Variants in SCML4 observed in about 807,000 individuals in gnomAD.
SCML4 encodes the protein sex comb on midleg-like protein 4.
Under a neutral mutation model 41.1 loss-of-function variants are expected in SCML4, and 34 were observed. The ratio of observed to expected loss-of-function variants is 0.83; its 90% CI spans 0.63 to 1.10. The LOEUF (loss-of-function observed/expected upper bound fraction) is 1.10, where lower values mean the gene tolerates loss of function less well. SCML4 is among the 50% of genes least tolerant of loss of function. The pLI is 0.00. For synonymous variants in SCML4, 214 were observed against 220.9 expected (o/e 0.97, Z 0.28); for missense variants, 522 against 534.1 (o/e 0.98, Z 0.22).
the SCML4 span, among the ~76,000 whole-genome samples, chr6:107,831,470 C>CAGTT: frequency 1.4e-5 from 2 of 145,166 alleles, no homozygotes; most frequent in African/African-American, 5.1e-5. Flanking sequence ...ACTGATTGAT[C>CAGTT]AGTTCATCTT....
intron 1 of SCML4, among the ~76,000 whole-genome samples, chr6:107,823,017 A>AC (rs1465554928): frequency 6.6e-6 from 1 of 151,694 alleles, no homozygotes; most frequent in Non-Finnish European, 1.5e-5. Context: ...TTTGCTTTAA[A>AC]AAAAAAAAAG....
intron 1 of SCML4, among the ~76,000 whole-genome samples, chr6:107,823,357 C>G (rs1163386223): frequency 6.6e-6 from 1 of 152,202 alleles, no homozygotes; most frequent in East Asian, 1.9e-4. Flanking sequence ...CCGCTCCTGT[C>G]CAGCCAGCAA....
rs1351246333 is a variant in SCML4 at position 107,813,419 on chromosome 6, TATATAAAA to T, written c.-60+10699_-60+10706del. On this transcript the variant is annotated intron_variant, in intron 1 of 7. Transcript: ENST00000369020. ...ATATATATATATATATATATATATATATATAAAACTGTAAAATTAAATACATATTAAAA... is the reference window on the plus strand; with the variant it reads ...ATATATATATATATATATATATATATCTGTAAAATTAAATACATATTAAAA... 8.6e-3 allele frequency among the ~76,000 whole-genome samples: 131 copies of T among 15,288 alleles called. 2 individuals are homozygous for T. The highest frequency in any genetic ancestry group is 0.11 in the Middle Eastern group (2 of 18). The allele number at this position is 15,288 out of a possible 152,430, so 10.0% of individuals were successfully genotyped here.
At chr6:107,827,925 G>A (rs1192331119), upstream of SCML4, among the ~76,000 whole-genome samples, 4 of 152,210 alleles carry the variant, frequency 2.6e-5, no homozygotes, top group Admixed American at 2.6e-4. Flanking sequence ...TCCAACACAA[G>A]CATCCGATCG....
intron 6 of SCML4, among the ~76,000 whole-genome samples, chr6:107,713,437 A>G (rs1774424797): frequency 6.6e-6 from 1 of 152,152 alleles, no homozygotes; most frequent in South Asian, 2.1e-4. Flanking sequence ...CCACTAAGGG[A>G]GTCACTTCCT....
the SCML4 span, among the ~76,000 whole-genome samples, chr6:107,838,917 C>T: frequency 6.6e-6 from 1 of 151,708 alleles, no homozygotes. Flanking sequence ...AGAGTTAAGC[C>T]CTCTTAACTC....
At chr6:107,793,995 C>A (rs953332568) in intron 1 of SCML4, among the ~76,000 whole-genome samples, 1 of 152,096 alleles carries the variant, frequency 6.6e-6, no homozygotes, top group Non-Finnish European at 1.5e-5. Context: ...AGAAGAAGGC[C>A]AGTATAGAAA....
At chr6:107,778,207 A>G (rs1781122737) in intron 1 of SCML4, among the ~76,000 whole-genome samples, 1 of 11,134 alleles carries the variant, frequency 9.0e-5, no homozygotes, top group South Asian at 6.3e-3. Flanking sequence ...AAAAAAAAAA[A>G]AAAAAAAAAA....
At chr6:107,778,068 T>C (rs563215757) in intron 1 of SCML4, among the ~76,000 whole-genome samples, 1 of 150,246 alleles carries the variant, frequency 6.7e-6, no homozygotes, top group South Asian at 2.1e-4. Flanking sequence ...ATACAAAAAT[T>C]AGCCAGGCAT....
rs116532117 is a variant in SCML4 at position 107,702,949 on chromosome 6, G to T, written c.*2251C>A. Among the ~76,000 whole-genome samples, 2 of 152,166 alleles carry T rather than the reference G, an allele frequency of 1.3e-5. No individual in the cohort carries two copies. Among genetic ancestry groups the T allele is most frequent in the African/African-American group, 2.4e-5 (1 of 41,426 alleles). On this transcript the variant is annotated 3_prime_UTR_variant, in exon 8 of 8. Transcript: ENST00000369020. ...TCATAAAGACCTTCTGATAAAACAG[G>T]TTGCAGTAAAGAAGTTGGCTAAAAC...
At chr6:107,843,572 C>T in the SCML4 span, among the ~76,000 whole-genome samples, 4 of 152,196 alleles carry the variant, frequency 2.6e-5, no homozygotes, top group African/African-American at 9.7e-5. Flanking sequence ...CACAAGTACA[C>T]TTCCGTCACC....
chr6:107,775,667 T>A (rs1272609034), intron 1 of SCML4, among the ~76,000 whole-genome samples: 4 of 152,226 alleles, frequency 2.6e-5, no homozygotes, highest in Non-Finnish European at 4.4e-5. Context: ...CAGATGGGTA[T>A]TTTTAAAATA....
At chr6:107,797,590 T>C (rs1377160782) in intron 1 of SCML4, among the ~76,000 whole-genome samples, 1 of 152,062 alleles carries the variant, frequency 6.6e-6, no homozygotes. Context: ...ATCATACTTC[T>C]TTGCAATCAT....
upstream of SCML4, among the ~76,000 whole-genome samples, chr6:107,828,428 G>A (rs923604293): frequency 2.6e-5 from 4 of 152,196 alleles, no homozygotes; most frequent in Admixed American, 6.5e-5. Flanking sequence ...ACAGGATGAC[G>A]CTTTGGGTTG....
At chr6:107,731,785 G>A (rs542827807) in intron 5 of SCML4, among the ~76,000 whole-genome samples, 72 of 152,326 alleles carry the variant, frequency 4.7e-4, no homozygotes, top group Admixed American at 1.2e-3. Flanking sequence ...AGTGCAGTTC[G>A]CAGATTTGTA....
intron 1 of SCML4, among the ~76,000 whole-genome samples, chr6:107,797,268 G>C (rs1482419861): frequency 6.6e-6 from 1 of 151,936 alleles, no homozygotes; most frequent in South Asian, 2.1e-4. Flanking sequence ...CCATACATAT[G>C]GTATATCTCT....
At chr6:107,802,763 C>G (rs551152412) in intron 1 of SCML4, among the ~76,000 whole-genome samples, 21 of 149,372 alleles carry the variant, frequency 1.4e-4, no homozygotes, top group Non-Finnish European at 2.4e-4. Flanking sequence ...CTCCCTCTCC[C>G]TCTCTTTCCA....
the SCML4 span, among the ~76,000 whole-genome samples, chr6:107,843,300 C>T: frequency 1.3e-5 from 2 of 151,968 alleles, no homozygotes; most frequent in African/African-American, 4.8e-5. Context: ...CCAAAGACAG[C>T]CAGGGAAAAA....
intron 2 of SCML4, among the ~76,000 whole-genome samples, chr6:107,754,442 C>T (rs1322640176): frequency 2.6e-5 from 4 of 152,170 alleles, no homozygotes; most frequent in Non-Finnish European, 5.9e-5. Context: ...GGAGGCCATG[C>T]ACCAAGGGTC....
Sources: allele counts gnomAD v4.1 joint callset (sites outside exome capture counted in the v4.1 genomes callset), GRCh38; gene constraint gnomAD v4.1.1; transcripts MANE v1.5; gene names NCBI Gene and HGNC (gene_info 2026-07-23, HGNC 2026-07-21).